MEI1: variants seen among roughly 807,000 people sequenced by gnomAD.
MEI1 encodes the protein meiosis inhibitor protein 1.
Under a neutral mutation model 146.2 loss-of-function variants are expected in MEI1, and 103 were observed. The observed-to-expected ratio is 0.70, with a 90% CI of 0.60 to 0.83. The LOEUF (loss-of-function observed/expected upper bound fraction) is 0.83. MEI1 is among the 40% of genes least tolerant of loss of function. The pLI, the probability that MEI1 is intolerant of heterozygous loss-of-function variation, is 0.00. For synonymous variants in MEI1, 652 were observed against 628.2 expected (o/e 1.04, Z -0.57); for missense variants, 1,529 against 1,533.0 (o/e 1.00, Z 0.04).
chr22:41,731,910 T>C (rs2071899835), intron 9 of MEI1, among the ~76,000 whole-genome samples: 1 of 151,966 alleles, frequency 6.6e-6, no homozygotes, highest in South Asian at 2.1e-4. Context: ...CAGGGAAGGC[T>C]TTTTGGAGGA....
chr22:41,759,056 T>TGG (rs1189742212), intron 18 of MEI1, among the ~76,000 whole-genome samples: 1 of 152,070 alleles, frequency 6.6e-6, no homozygotes, highest in Non-Finnish European at 1.5e-5. Flanking sequence ...GACAGGAGAA[T>TGG]TGCTTGAACC....
chr22:41,723,886 G>T, intron 6 of MEI1, 57 bp from the exon 7 acceptor site: 2 of 1,547,834 alleles, frequency 1.3e-6, no homozygotes, highest in East Asian at 2.4e-5. Context: ...GCTATCTTGG[G>T]AGTACTCTGG....
intron 4 of MEI1, among the ~76,000 whole-genome samples, chr22:41,715,516 C>T (rs529176819): frequency 9.2e-5 from 14 of 152,072 alleles, no homozygotes; most frequent in Middle Eastern, 3.4e-3. Context: ...CTGCCTCAGC[C>T]TCCCGAGTAG....
intron 19 of MEI1, among the ~76,000 whole-genome samples, chr22:41,766,378 G>A (rs989012856): frequency 2.9e-4 from 44 of 151,008 alleles, no homozygotes; most frequent in African/African-American, 1.1e-3. Context: ...CACCATGTTG[G>A]CCAGGCTGGT....
chr22:41,753,764 C>G, intron 16 of MEI1, 185 bp from the exon 17 acceptor site: 1 of 533,648 alleles, frequency 1.9e-6, no homozygotes, highest in Non-Finnish European at 3.4e-6. Flanking sequence ...CAGGCATAAG[C>G]CACTGTGCCC....
chr22:41,754,114 T>C, intron 17 of MEI1, 68 bp downstream of exon 17: 3 of 1,161,610 alleles, frequency 2.6e-6, no homozygotes, highest in Non-Finnish European at 3.9e-6. Context: ...GCCTTGCTGA[T>C]TGACTAGATA....
At chr22:41,742,316 T>C (rs1315702982) in intron 11 of MEI1, among the ~76,000 whole-genome samples, 1 of 152,150 alleles carries the variant, frequency 6.6e-6, no homozygotes, top group Non-Finnish European at 1.5e-5. Flanking sequence ...GTTAACAAAG[T>C]TTGATCCCTC....
chr22:41,791,408 A>C (rs1309084052), intron 26 of MEI1, among the ~76,000 whole-genome samples: 1 of 152,204 alleles, frequency 6.6e-6, no homozygotes, highest in Non-Finnish European at 1.5e-5. Flanking sequence ...GGATCACCTA[A>C]GCCCAGGAGG....
chr22:41,730,104 T>C (rs1424604782), intron 8 of MEI1, among the ~76,000 whole-genome samples: 1 of 152,244 alleles, frequency 6.6e-6, no homozygotes, highest in Non-Finnish European at 1.5e-5. Context: ...TCATCTTCAC[T>C]ATTTTATAGA....
intron 18 of MEI1, among the ~76,000 whole-genome samples, chr22:41,762,004 T>C (rs1032030921): frequency 2.0e-5 from 3 of 152,268 alleles, no homozygotes; most frequent in African/African-American, 7.2e-5. Flanking sequence ...CCTTTGTATG[T>C]ATACACCATA....
intron 26 of MEI1, among the ~76,000 whole-genome samples, chr22:41,788,544 G>A (rs1021309353): frequency 6.6e-6 from 1 of 152,046 alleles, no homozygotes; most frequent in Non-Finnish European, 1.5e-5. Flanking sequence ...GGGTTTAAGC[G>A]ATTCTTCTGC....
At chr22:41,715,548 A>T (rs190553057) in intron 4 of MEI1, among the ~76,000 whole-genome samples, 9 of 152,032 alleles carry the variant, frequency 5.9e-5, no homozygotes, top group Admixed American at 5.9e-4. Context: ...GGCGCCTCCC[A>T]CCACACCCGG....
intron 4 of MEI1, among the ~76,000 whole-genome samples, chr22:41,714,716 CA>C (rs59541417): frequency 0.82 from 118,981 of 144,912 alleles, 49,071 homozygotes; most frequent in East Asian, 0.94. Context: ...ACTAAAAATA[CA>C]AAAAAAAAAA....
intron 17 of MEI1, among the ~76,000 whole-genome samples, chr22:41,756,762 C>T (rs2074116137): frequency 6.6e-6 from 1 of 152,272 alleles, no homozygotes; most frequent in Admixed American, 6.5e-5. Context: ...GCTTGAGCCA[C>T]CACGCCTATC....
chr22:41,716,077 A>C lies in MEI1; in HGVS notation c.460A>C (p.Thr154Pro). The stretch of plus-strand genomic sequence containing the variant: ...GCCCTCCATGCGAGGCAGCCTGGCC[A>C]CCCTGACCCTTCTTGGCAAGTTGGT... ...NMPSMRGSLA[T>P]LTLLGKLVDA... Residue 154 changes from threonine to proline, a missense_variant, in exon 5 of 31, where the codon ACC becomes CCC. Thr to Pro is a conservative substitution (Grantham distance 38). Transcript: ENST00000401548. 6.2e-7 allele frequency: 1 copy of C among 1,611,902 alleles called. No homozygotes were observed. Among genetic ancestry groups the C allele is most frequent in the Non-Finnish European group, 8.5e-7 (1 of 1,179,094 alleles).
chr22:41,725,800 C>T (rs961396922), intron 7 of MEI1, among the ~76,000 whole-genome samples: 1 of 152,218 alleles, frequency 6.6e-6, no homozygotes, highest in Non-Finnish European at 1.5e-5. Flanking sequence ...CCGTGCTTAC[C>T]TCATACCATA....
intron 5 of MEI1, 111 bp downstream of exon 5, chr22:41,716,257 T>G (rs2070141344): frequency 1.4e-6 from 1 of 721,242 alleles, no homozygotes; most frequent in African/African-American, 1.8e-5. Context: ...CTTTCCTGCT[T>G]TAGCCTTCAG....
intron 2 of MEI1, among the ~76,000 whole-genome samples, chr22:41,703,815 T>C (rs540003132): frequency 5.9e-5 from 9 of 152,014 alleles, no homozygotes; most frequent in Admixed American, 2.6e-4. Context: ...AAAACCCCCA[T>C]CTCTACTAAA....
At chr22:41,749,101 A>G (rs1176748007) in intron 15 of MEI1, among the ~76,000 whole-genome samples, 1 of 151,862 alleles carries the variant, frequency 6.6e-6, no homozygotes, top group Non-Finnish European at 1.5e-5. Context: ...ACCGCCCAGA[A>G]CATGCTTTCT....
Sources: allele counts gnomAD v4.1 joint callset (sites outside exome capture counted in the v4.1 genomes callset), GRCh38; gene constraint gnomAD v4.1.1; transcripts MANE v1.5; gene names NCBI Gene and HGNC (gene_info 2026-07-23, HGNC 2026-07-21).